LRCH3: variants seen among roughly 807,000 people sequenced by gnomAD.
LRCH3 encodes the protein leucine rich repeats and calponin homology domain containing 3.
LRCH3 carries 68 observed loss-of-function variants against 104.5 expected under a neutral mutation model. The ratio of observed to expected loss-of-function variants is 0.65; its 90% CI spans 0.54 to 0.80. LRCH3 has a LOEUF of 0.80. LRCH3 is among the 30% of genes least tolerant of loss of function. The pLI is 0.00. For missense variants in LRCH3, 951 were observed against 953.9 expected (o/e 1.00, Z 0.04); for synonymous variants, 344 against 361.3 (o/e 0.95, Z 0.54).
intron 6 of LRCH3, 123 bp from the exon 7 acceptor site, chr3:197,830,647 C>T (rs1244847437): frequency 4.4e-6 from 3 of 683,684 alleles, no homozygotes; most frequent in Non-Finnish European, 7.5e-6. Flanking sequence ...AATTAAAGCC[C>T]ATTTAGTTCT....
chr3:197,858,747 C>A, intron 14 of LRCH3, 87 bp from the exon 15 acceptor site: 1 of 1,068,494 alleles, frequency 9.4e-7, no homozygotes, highest in Non-Finnish European at 1.5e-6. Context: ...CTTTCCTTTT[C>A]TCATTTCACT....
At chr3:197,829,918 G>A (rs1735702092) in intron 6 of LRCH3, among the ~76,000 whole-genome samples, 1 of 152,164 alleles carries the variant, frequency 6.6e-6, no homozygotes, top group African/African-American at 2.4e-5. Context: ...GGGCTGTCCT[G>A]TACATTGTAA....
At chr3:197,814,538 A>G (rs890043168) in intron 1 of LRCH3, among the ~76,000 whole-genome samples, 12 of 152,252 alleles carry the variant, frequency 7.9e-5, no homozygotes, top group Non-Finnish European at 1.6e-4. Context: ...AGTCTACTGC[A>G]GTCATCTTTA....
chr3:197,834,901 T>C (rs1038637271), intron 8 of LRCH3, among the ~76,000 whole-genome samples: 1 of 152,202 alleles, frequency 6.6e-6, no homozygotes, highest in African/African-American at 2.4e-5. Context: ...CCCAGCACTT[T>C]GGGTGGCCAC....
rs539096104 is a variant in LRCH3 at position 197,873,554 on chromosome 3, G to T, written c.2130+2092G>T. On this transcript the variant is annotated intron_variant, in intron 19 of 20. Transcript: ENST00000425562. The stretch of plus-strand genomic sequence containing the variant: ...GGCTGGGAGTTTAAGACCAGCCTGG[G>T]CAATATAGTGAGATCCCATCTCTAC... Among the ~76,000 whole-genome samples the T allele has an allele frequency of 2.6e-5, 4 of 152,202 alleles. No individual in the cohort carries two copies. The East Asian group carries it at 7.7e-4, about 29-fold the overall frequency.
intron 2 of LRCH3, among the ~76,000 whole-genome samples, chr3:197,816,273 G>A (rs956718547): frequency 3.3e-5 from 5 of 151,866 alleles, no homozygotes. Flanking sequence ...GATAGATGTG[G>A]GTTGTTTTTT....
rs372497780 is a variant in LRCH3 at position 197,820,386 on chromosome 3, G to A, written c.596G>A (p.Arg199Lys). The change falls in exon 4 of 21, where the codon AGA (arginine) becomes AAA (lysine). Residue 199 changes from arginine to lysine, a missense_variant. Coordinates refer to ENST00000425562, the MANE Select transcript of LRCH3 (RefSeq NM_001365715.1). The stretch of plus-strand genomic sequence containing the variant: ...CAAATTGGTAACCTGGAGGCCTTGA[G>A]AGACCTTAATGTAAGAAGAAATCAC... ...PSQIGNLEAL[R>K]DLNVRRNHLV... 36 of 1,612,730 alleles carry A rather than the reference G, an allele frequency of 2.2e-5. No homozygotes were observed. Among genetic ancestry groups the A allele is most frequent in the Non-Finnish European group, 2.9e-5 (34 of 1,178,920 alleles).
At chr3:197,881,281 C>T (rs1051044217) in intron 20 of LRCH3, 11 of 990,816 alleles carry the variant, frequency 1.1e-5, no homozygotes, top group African/African-American at 1.7e-5. Flanking sequence ...TAAGCATTTG[C>T]GGTCTGGACG....
At chr3:197,794,371 C>T (rs1730958396) in intron 1 of LRCH3, among the ~76,000 whole-genome samples, 1 of 152,272 alleles carries the variant, frequency 6.6e-6, no homozygotes, top group East Asian at 1.9e-4. Flanking sequence ...ACAGAGGAGA[C>T]GGTATTAGCC....
intron 20 of LRCH3, among the ~76,000 whole-genome samples, chr3:197,880,055 C>T (rs1447740690): frequency 1.3e-5 from 2 of 151,076 alleles, no homozygotes; most frequent in Admixed American, 6.6e-5. Context: ...CCGCCATTCT[C>T]CTGCCTCAGC....
chr3:197,813,857 T>C (rs1733511276), intron 1 of LRCH3, among the ~76,000 whole-genome samples: 2 of 152,160 alleles, frequency 1.3e-5, no homozygotes, highest in Non-Finnish European at 2.9e-5. Context: ...TGATTATCTT[T>C]TGTAAAGATA....
intron 2 of LRCH3, 81 bp from the exon 3 acceptor site, chr3:197,817,095 C>A: frequency 2.4e-6 from 3 of 1,225,760 alleles, no homozygotes; most frequent in Non-Finnish European, 2.2e-6. Flanking sequence ...TGTTATTTTA[C>A]TGAGTATAGC....
At chr3:197,829,493 T>C in intron 5 of LRCH3, 71 bp from the exon 6 acceptor site, 2 of 905,630 alleles carry the variant, frequency 2.2e-6, no homozygotes, top group Non-Finnish European at 3.4e-6. Context: ...TTACATAAAA[T>C]GTTGATATGA....
chr3:197,881,999 C>G, intron 20 of LRCH3: 1 of 985,410 alleles, frequency 1.0e-6, no homozygotes, highest in Non-Finnish European at 1.2e-6. Context: ...CAGTAGGTGC[C>G]TTTCAGACTT....
At chr3:197,822,238 C>T (rs1734576846) in intron 4 of LRCH3, among the ~76,000 whole-genome samples, 1 of 152,148 alleles carries the variant, frequency 6.6e-6, no homozygotes, top group South Asian at 2.1e-4. Flanking sequence ...CTTATTTTCT[C>T]CTGGTTCTGT....
intron 15 of LRCH3, among the ~76,000 whole-genome samples, chr3:197,862,671 ACTTC>A (rs1212674511): frequency 6.6e-6 from 1 of 152,178 alleles, no homozygotes; most frequent in Non-Finnish European, 1.5e-5. Flanking sequence ...ATAGTCTTTT[ACTTC>A]CTTGTAAAGA....
At chr3:197,858,686 C>T in intron 14 of LRCH3, 148 bp from the exon 15 acceptor site, 1 of 699,638 alleles carries the variant, frequency 1.4e-6, no homozygotes, top group Non-Finnish European at 2.6e-6. Flanking sequence ...CAAATATTCT[C>T]TTCCTGCCCT....
intron 19 of LRCH3, 46 bp from the exon 20 acceptor site, chr3:197,875,652 A>T: frequency 6.9e-7 from 1 of 1,449,336 alleles, no homozygotes; most frequent in East Asian, 2.5e-5. Context: ...ACCCTGTCCC[A>T]GAAACAAAAC....
chr3:197,792,494 A>G (rs1437391614), intron 1 of LRCH3, among the ~76,000 whole-genome samples: 6 of 137,526 alleles, frequency 4.4e-5, no homozygotes, highest in Admixed American at 1.5e-4. Context: ...TGCAGCCTCG[A>G]CCTCCCGGGC....
Sources: gnomAD v4.1 joint callset for allele counts (sites outside exome capture counted in the v4.1 genomes callset) on GRCh38, gnomAD v4.1.1 for gene constraint, MANE v1.5 for transcripts, NCBI Gene and HGNC (gene_info 2026-07-23, HGNC 2026-07-21) for gene names.